Variants in SUSD3 observed in about 807,000 individuals in gnomAD.
The protein encoded by SUSD3 is sushi domain-containing protein 3.
In SUSD3, 18 loss-of-function variants were observed where a neutral mutation model predicts 20.6. The ratio of observed to expected loss-of-function variants is 0.87; its 90% CI spans 0.60 to 1.30. The LOEUF is 1.30. Ranked by LOEUF, SUSD3 falls within the 50% of genes most tolerant of loss-of-function variation. The pLI is 0.00. For missense variants in SUSD3, 306 were observed against 346.9 expected (o/e 0.88, Z 0.94); for synonymous variants, 137 against 141.5 (o/e 0.97, Z 0.23).
At position 93,084,903 on chromosome 9, in the gene SUSD3, G is replaced by A; in HGVS notation, c.*156G>A. 1 of 644,144 alleles carries A rather than the reference G, an allele frequency of 1.6e-6. No homozygotes were observed. Among genetic ancestry groups the A allele is most frequent in the East Asian group, 3.4e-5 (1 of 29,494 alleles). The allele number at this position is 644,144 out of a possible 1,614,324, so 39.9% of individuals were successfully genotyped here. On this transcript the variant is annotated 3_prime_UTR_variant, in exon 5 of 5. Coordinates refer to ENST00000375472, the MANE Select transcript of SUSD3 (RefSeq NM_145006.4). ...GTGTAGGGACCCCTTGAGGGGCCGAGCTGACATCCAAGGCTGAGGACCCCA... is the reference window on the plus strand; with the variant it reads ...GTGTAGGGACCCCTTGAGGGGCCGAACTGACATCCAAGGCTGAGGACCCCA...
At position 93,079,578 on chromosome 9, in the gene SUSD3, C is replaced by T. The variant is rs202073425; in HGVS notation, c.533C>T (p.Ala178Val). ...AAACCCGTGAGCGGGCCCAGCCAGG[C>T]GCACGACAACCACAGCTTCACCACG... The part of the protein sequence containing the change: ...FNKPVSGPSQ[A>V]HDNHSFTTDH... The change falls in exon 4 of 5, where the codon GCG becomes GTG. Residue 178 changes from alanine to valine, a missense_variant. Coordinates refer to ENST00000375472, the MANE Select transcript of SUSD3 (RefSeq NM_145006.4). The T allele has an allele frequency of 4.0e-5, 65 of 1,613,952 alleles. No homozygotes were observed. The highest frequency in any genetic ancestry group is 5.3e-5 in the Non-Finnish European group (62 of 1,179,974).
At chr9:93,072,951 C>T (rs1405136600) in intron 1 of SUSD3, among the ~76,000 whole-genome samples, 3 of 152,190 alleles carry the variant, frequency 2.0e-5, no homozygotes, top group Non-Finnish European at 4.4e-5. Flanking sequence ...ATCTCAGGCT[C>T]GGTGGGCAGT....
chr9:93,082,597 G>T (rs1168449559), intron 4 of SUSD3, among the ~76,000 whole-genome samples: 6 of 152,164 alleles, frequency 3.9e-5, no homozygotes, highest in Non-Finnish European at 8.8e-5. Context: ...GATTACAGGC[G>T]TGAGCCACCG....
chr9:93,060,773 G>A (rs1459278288), intron 1 of SUSD3, among the ~76,000 whole-genome samples: 4 of 152,308 alleles, frequency 2.6e-5, no homozygotes, highest in South Asian at 4.1e-4. Context: ...AGAGTTCGAG[G>A]CTACAGTGAG....
intron 1 of SUSD3, among the ~76,000 whole-genome samples, chr9:93,060,092 G>C (rs1825447785): frequency 6.6e-6 from 1 of 152,248 alleles, no homozygotes; most frequent in South Asian, 2.1e-4. Flanking sequence ...CCCAAGGCCA[G>C]GGAGTATCTG....
chr9:93,069,107 A>G, intron 1 of SUSD3: 1 of 702,800 alleles, frequency 1.4e-6, no homozygotes, highest in South Asian at 1.5e-5. Context: ...GAGATGAAAA[A>G]CATAGGCCTT....
chr9:93,078,032 C>T lies in SUSD3; in HGVS notation c.425+39C>T, dbSNP rs199914697. Reference sequence around the variant, plus strand: ...ATGATCTCAGGGTCCTCCCGGGAGGCGCCTCTTGGCACCATGGGAGGAGGA... The same window carrying T: ...ATGATCTCAGGGTCCTCCCGGGAGGTGCCTCTTGGCACCATGGGAGGAGGA... On this transcript the variant is annotated intron_variant, in intron 3 of 4. Transcript: ENST00000375472. 77 of 1,613,282 alleles carry T rather than the reference C, an allele frequency of 4.8e-5. No homozygotes were observed. The Middle Eastern group carries it at 1.0e-3, about 21-fold the overall frequency.
chr9:93,075,747 C>CCA (rs775529068), intron 1 of SUSD3, 37 bp from the exon 2 acceptor site: 2 of 192,804 alleles, frequency 1.0e-5, no homozygotes, highest in African/African-American at 6.2e-5. Context: ...CCCACCCCCC[C>CCA]CCCCCCGCCA....
chr9:93,084,520 G>T lies in SUSD3; in HGVS notation c.558-17G>T. On this transcript the variant is annotated splice_polypyrimidine_tract_variant and intron_variant, in intron 4 of 4. Coordinates refer to ENST00000375472, the MANE Select transcript of SUSD3 (RefSeq NM_145006.4). ...TATCCACACTCTTTTGCCAACTCAT[G>T]CCTCCTCTCTCCACAGAGACCATGG... 1 of 1,562,846 alleles carries T rather than the reference G, an allele frequency of 6.4e-7. No individual in the cohort carries two copies. The highest frequency in any genetic ancestry group is 1.4e-5 in the African/African-American group (1 of 73,200).
At chr9:93,059,555 C>T (rs1312364924) in intron 1 of SUSD3, among the ~76,000 whole-genome samples, 1 of 152,212 alleles carries the variant, frequency 6.6e-6, no homozygotes, top group Non-Finnish European at 1.5e-5. Context: ...CTTTTAGAAA[C>T]GGAACCAAAC....
At chr9:93,061,406 G>GCT (rs1379870355) in intron 1 of SUSD3, among the ~76,000 whole-genome samples, 2 of 152,284 alleles carry the variant, frequency 1.3e-5, no homozygotes, top group Non-Finnish European at 2.9e-5. Context: ...CGAAAGAGCT[G>GCT]CTGGTAGAAG....
rs112487620 is a variant in SUSD3 at position 93,074,030 on chromosome 9, A to G, written c.89-1754A>G. ...CTGCTATGCCGATAGATGATGGCAC[A>G]TGTAAGGCAGGTGCAATGGCATCCA... On this transcript the variant is annotated intron_variant, in intron 1 of 4. Transcript: ENST00000375472. Among the ~76,000 whole-genome samples the G allele has an allele frequency of 3.8e-3, 584 of 152,318 alleles. 10 individuals carry two copies. Among genetic ancestry groups the G allele is most frequent in the African/African-American group, 0.013 (558 of 41,574 alleles).
intron 2 of SUSD3, 126 bp downstream of exon 2, chr9:93,076,098 G>A (rs1271775904): frequency 2.5e-6 from 2 of 792,976 alleles, no homozygotes; most frequent in African/African-American, 1.8e-5. Context: ...AGTGTGTAGG[G>A]TCCCATTCCC....
In SUSD3 at chr9:93,076,513, C is replaced by T. The variant is rs149342626; in HGVS notation, c.277+541C>T. Among the ~76,000 whole-genome samples the T allele has an allele frequency of 1.7e-4, 26 of 152,230 alleles. No homozygotes were observed. In the East Asian group the frequency reaches 4.2e-3, roughly 25 times the overall value. ...GGTGTTGAAAGGTCCACAAGATAGT[C>T]CCTTTTCAGTGCCCAGCATGACATT... On this transcript the variant is annotated intron_variant, in intron 2 of 4. Coordinates refer to ENST00000375472, the MANE Select transcript of SUSD3 (RefSeq NM_145006.4).
At chr9:93,061,979 C>T (rs573381718) in intron 1 of SUSD3, among the ~76,000 whole-genome samples, 27 of 152,324 alleles carry the variant, frequency 1.8e-4, no homozygotes, top group African/African-American at 5.5e-4. Context: ...GGCTGTGTGG[C>T]GAATCCCAGG....
intron 1 of SUSD3, among the ~76,000 whole-genome samples, chr9:93,073,244 CTTTTTTTTTT>C (rs573555207): frequency 1.6e-5 from 2 of 123,906 alleles, no homozygotes; most frequent in African/African-American, 6.2e-5. Context: ...TGTCCCTGTT[CTTTTTTTTTT>C]TTTTTTTTTT....
At chr9:93,072,786 T>C (rs1445154896) in intron 1 of SUSD3, among the ~76,000 whole-genome samples, 1 of 152,202 alleles carries the variant, frequency 6.6e-6, no homozygotes, top group Non-Finnish European at 1.5e-5. Flanking sequence ...CCACAGAGTT[T>C]GCTGGCCAAT....
chr9:93,058,759 C>T lies in SUSD3; in HGVS notation c.17C>T (p.Ala6Val), dbSNP rs928063103. 3 of 1,236,404 alleles carry T rather than the reference C, an allele frequency of 2.4e-6. No individual in the cohort carries two copies. Among genetic ancestry groups the T allele is most frequent in the Non-Finnish European group, 3.0e-6 (3 of 989,986 alleles). The allele number at this position is 1,236,404 out of a possible 1,614,324, so 76.6% of individuals were successfully genotyped here. MRWAAATLRGKARPRG... is the reference protein window; with the variant it reads MRWAAVTLRGKARPRG... Reference sequence around the variant, plus strand: ...GCGCGCAGGATGCGCTGGGCGGCCGCCACCCTCCGTGGCAAGGCGAGGCCC... The same window carrying T: ...GCGCGCAGGATGCGCTGGGCGGCCGTCACCCTCCGTGGCAAGGCGAGGCCC... Residue 6 changes from alanine to valine, a missense_variant, in exon 1 of 5, where the codon GCC (alanine) becomes GTC (valine). Physicochemically the swap from Ala to Val is moderately conservative, Grantham distance 64. Transcript: ENST00000375472.
At chr9:93,071,233 G>A (rs1418448916) in intron 1 of SUSD3, among the ~76,000 whole-genome samples, 3 of 152,200 alleles carry the variant, frequency 2.0e-5, no homozygotes, top group Non-Finnish European at 2.9e-5. Flanking sequence ...ACGATAACAA[G>A]GTGAAGTCCC....
Sources: gnomAD v4.1 joint callset for allele counts (sites outside exome capture counted in the v4.1 genomes callset) on GRCh38, gnomAD v4.1.1 for gene constraint, MANE v1.5 for transcripts, NCBI Gene and HGNC (gene_info 2026-07-23, HGNC 2026-07-21) for gene names.